SUGCT: variants seen among roughly 807,000 people sequenced by gnomAD.
SUGCT encodes the protein succinyl-CoA:glutarate CoA-transferase.
SUGCT carries 41 observed loss-of-function variants against 55.0 expected under a neutral mutation model. That is an observed-to-expected ratio of 0.74 (90% CI 0.58 to 0.97). The LOEUF (loss-of-function observed/expected upper bound fraction) is 0.97. Ranked by LOEUF, SUGCT falls within the 50% of genes least tolerant of loss-of-function variation. The pLI, the probability that SUGCT is intolerant of heterozygous loss-of-function variation, is 0.00. For missense variants in SUGCT, 568 were observed against 547.8 expected, an observed-to-expected ratio of 1.04 and a Z score of -0.37; for synonymous variants, 187 against 200.4, an observed-to-expected ratio of 0.93 and a Z score of 0.56.
chr7:40,871,481 G>T, the SUGCT span, among the ~76,000 whole-genome samples: 3 of 152,188 alleles, frequency 2.0e-5, no homozygotes, highest in African/African-American at 7.2e-5. Flanking sequence ...ACCCCAGCCA[G>T]TGCCACATGG....
intron 7 of SUGCT, among the ~76,000 whole-genome samples, chr7:40,241,256 T>C (rs1459242460): frequency 6.6e-6 from 1 of 152,194 alleles, no homozygotes; most frequent in Non-Finnish European, 1.5e-5. Flanking sequence ...AATAATGTCA[T>C]TTTTATTCAA....
intron 11 of SUGCT, among the ~76,000 whole-genome samples, chr7:40,492,025 A>G (rs887918408): frequency 6.6e-6 from 1 of 152,072 alleles, no homozygotes; most frequent in Non-Finnish European, 1.5e-5. Context: ...ATAATAATCT[A>G]GGAAACCAAG....
rs1324933374 is a variant in SUGCT at position 40,801,049 on chromosome 7, A to G, written c.1153+51552A>G. The stretch of plus-strand genomic sequence containing the variant: ...AGCAGTCATGCAATGGTGGCAGACA[A>G]TGTGTTTAATGTGAACCAGATCAAC... On this transcript the variant is annotated intron_variant, in intron 13 of 13. Coordinates refer to ENST00000335693, the MANE Select transcript of SUGCT (RefSeq NM_001193313.2). Among the ~76,000 whole-genome samples, 5 of 152,146 alleles carry G rather than the reference A, an allele frequency of 3.3e-5. No homozygotes were observed. The South Asian group carries it at 6.2e-4, about 19-fold the overall frequency.
chr7:40,517,720 T>C (rs1237100224), intron 12 of SUGCT, among the ~76,000 whole-genome samples: 1 of 152,116 alleles, frequency 6.6e-6, no homozygotes, highest in Non-Finnish European at 1.5e-5. Context: ...CTGAGGATGA[T>C]TTATAGAAGT....
chr7:40,450,699 G>C (rs138819550), intron 10 of SUGCT, among the ~76,000 whole-genome samples: 1 of 151,880 alleles, frequency 6.6e-6, no homozygotes, highest in East Asian at 1.9e-4. Flanking sequence ...GCTTGAACCC[G>C]GGAGGCGGAG....
At chr7:40,995,888 T>A in the SUGCT span, among the ~76,000 whole-genome samples, 1 of 152,130 alleles carries the variant, frequency 6.6e-6, no homozygotes. Context: ...TCCAGGTCAT[T>A]TATGAAAAGG....
At chr7:41,033,990 C>A in the SUGCT span, among the ~76,000 whole-genome samples, 1 of 152,080 alleles carries the variant, frequency 6.6e-6, no homozygotes, top group African/African-American at 2.4e-5. Flanking sequence ...TGTCAAAATG[C>A]AAAGTTTCTG....
Position 40,496,374 on chromosome 7 carries a change from T to C in SUGCT, c.1077T>C (p.Phe359=). 6.2e-7 allele frequency: 1 copy of C among 1,611,418 alleles called. No individual in the cohort carries two copies. Among genetic ancestry groups the C allele is most frequent in the Non-Finnish European group, 8.5e-7 (1 of 1,178,304 alleles). Residue 359 remains phenylalanine (F), a synonymous_variant, in exon 12 of 14, where the codon TTT becomes TTC. Transcript: ENST00000335693. ...YGPINNMKNV[F]AEPQVLHNGL... The stretch of plus-strand genomic sequence containing the variant: ...CAATCAACAACATGAAGAATGTATT[T>C]GCAGAACCTCAGGTTTGTTTTTGAA...
chr7:40,187,732 G>A (rs921892982), intron 3 of SUGCT, among the ~76,000 whole-genome samples: 31 of 152,164 alleles, frequency 2.0e-4, no homozygotes, highest in East Asian at 1.5e-3. Flanking sequence ...TCAGGAGTTC[G>A]GAACTAGCCC....
intron 13 of SUGCT, among the ~76,000 whole-genome samples, chr7:40,845,703 T>C (rs1414971236): frequency 2.0e-5 from 3 of 152,204 alleles, no homozygotes; most frequent in African/African-American, 7.2e-5. Context: ...AGGGAAAAAC[T>C]AAGATCAATT....
chr7:40,403,460 A>T (rs1257223538), intron 9 of SUGCT, among the ~76,000 whole-genome samples: 1 of 152,204 alleles, frequency 6.6e-6, no homozygotes, highest in East Asian at 1.9e-4. Context: ...TGCTAGAGGG[A>T]CTGTAAGCCT....
At chr7:40,827,622 A>G (rs1220190552) in intron 13 of SUGCT, among the ~76,000 whole-genome samples, 2 of 151,902 alleles carry the variant, frequency 1.3e-5, no homozygotes, top group South Asian at 2.1e-4. Context: ...CACGAGGCTC[A>G]TTTCTCCTCC....
chr7:40,816,933 C>A (rs1237981718), intron 13 of SUGCT, among the ~76,000 whole-genome samples: 1 of 152,070 alleles, frequency 6.6e-6, no homozygotes, highest in Non-Finnish European at 1.5e-5. Flanking sequence ...ATAAGAGTTG[C>A]ATGAAGATAT....
intron 9 of SUGCT, among the ~76,000 whole-genome samples, chr7:40,344,599 TGAGCAGTTGCA>T (rs1211168010): frequency 2.6e-5 from 4 of 152,224 alleles, no homozygotes; most frequent in African/African-American, 9.6e-5. Context: ...ATAACGGAGT[TGAGCAGTTGCA>T]ACAGAGATTG....
chr7:40,980,911 T>C, the SUGCT span, among the ~76,000 whole-genome samples: 3 of 152,200 alleles, frequency 2.0e-5, no homozygotes, highest in Non-Finnish European at 4.4e-5. Flanking sequence ...TTGCTCAGGC[T>C]GGTCTCAAAC....
At chr7:40,520,411 G>A (rs1456097903) in intron 12 of SUGCT, among the ~76,000 whole-genome samples, 1 of 152,112 alleles carries the variant, frequency 6.6e-6, no homozygotes. Context: ...TGCCCGTGAA[G>A]CTTAGCTTCA....
chr7:40,320,147 C>G (rs951002368), intron 9 of SUGCT, among the ~76,000 whole-genome samples: 2 of 149,272 alleles, frequency 1.3e-5, no homozygotes, highest in African/African-American at 4.9e-5. Context: ...CGCTCTGTCA[C>G]CCAGGCTGGA....
At chr7:40,413,362 G>C (rs887276836) in intron 9 of SUGCT, among the ~76,000 whole-genome samples, 7 of 152,086 alleles carry the variant, frequency 4.6e-5, no homozygotes, top group Non-Finnish European at 8.8e-5. Flanking sequence ...GCTCCTGCCT[G>C]CTGTTTCAGG....
At chr7:40,968,171 A>G in the SUGCT span, 2 of 152,212 alleles carry the variant, frequency 1.3e-5, no homozygotes, top group African/African-American at 4.8e-5. Flanking sequence ...TCTTATTTGC[A>G]TATTTCTGTA....
Sources: gnomAD v4.1 joint callset for allele counts (sites outside exome capture counted in the v4.1 genomes callset) on GRCh38, gnomAD v4.1.1 for gene constraint, MANE v1.5 for transcripts, NCBI Gene and HGNC (gene_info 2026-07-23, HGNC 2026-07-21) for gene names.